TUBA3D: variants seen among roughly 807,000 people sequenced by gnomAD.
The protein encoded by TUBA3D is tubulin alpha-3D chain.
TUBA3D carries 24 observed loss-of-function variants against 36.1 expected under a neutral mutation model. The observed-to-expected ratio is 0.66, with a 90% CI of 0.48 to 0.93. The LOEUF (loss-of-function observed/expected upper bound fraction) is 0.93. Among genes scored for constraint, TUBA3D ranks in the 40% least tolerant of loss-of-function variants. The probability of loss-of-function intolerance (pLI) is 0.00; values close to 1 mark genes in which losing one functional copy is unlikely to be tolerated. For synonymous variants in TUBA3D, 185 were observed against 247.2 expected (o/e 0.75, Z 2.36); for missense variants, 356 against 614.5 (o/e 0.58, Z 4.45).
intron 1 of TUBA3D, 137 bp downstream of exon 1, chr2:131,476,339 G>C: frequency 1.4e-6 from 2 of 1,469,474 alleles, no homozygotes; most frequent in Non-Finnish European, 1.8e-6. Flanking sequence ...CGGGACAGGA[G>C]GACACGGGAT....
At chr2:131,480,804 A>C in intron 4 of TUBA3D, 55 bp downstream of exon 4, 1 of 1,574,298 alleles carries the variant, frequency 6.4e-7, no homozygotes, top group Non-Finnish European at 8.6e-7. Context: ...ACAAAATAAC[A>C]CTGGCCCTGA....
chr2:131,481,951 G>T (rs7583920), intron 4 of TUBA3D, among the ~76,000 whole-genome samples: 25,981 of 152,210 alleles, frequency 0.17, 4,067 homozygotes, highest in African/African-American at 0.42. Context: ...GTCATGTTAT[G>T]CCCGAGTTCT....
intron 3 of TUBA3D, among the ~76,000 whole-genome samples, chr2:131,479,818 A>C (rs397833170): frequency 2.0e-5 from 3 of 152,176 alleles, no homozygotes; most frequent in Admixed American, 1.3e-4. Context: ...CTAGCCTGGG[A>C]AACAGAGCAA....
chr2:131,478,030 T>G (rs1256630109), intron 1 of TUBA3D, 134 bp from the exon 2 acceptor site: 2 of 1,240,136 alleles, frequency 1.6e-6, no homozygotes, highest in Non-Finnish European at 2.2e-6. Context: ...TCACTAACCC[T>G]CCTAGGAAAT....
intron 1 of TUBA3D, among the ~76,000 whole-genome samples, chr2:131,476,551 C>A (rs1480712542): frequency 6.6e-6 from 1 of 152,068 alleles, no homozygotes; most frequent in African/African-American, 2.4e-5. Flanking sequence ...GCCCCAGGAG[C>A]CTTCGGTGAC....
At chr2:131,476,228 G>A (rs773378521) in intron 1 of TUBA3D, 26 bp downstream of exon 1, 47 of 1,613,784 alleles carry the variant, frequency 2.9e-5, no homozygotes, top group Middle Eastern at 1.7e-4. Context: ...CTCCCGCCCC[G>A]CAGATGCCCA....
rs745916475 is a variant in TUBA3D at position 131,478,255 on chromosome 2, C to T, written c.95C>T (p.Pro32Leu). 11 of 1,613,928 alleles carry T rather than the reference C, an allele frequency of 6.8e-6. No individual in the cohort carries two copies. The highest frequency in any genetic ancestry group is 9.3e-6 in the Non-Finnish European group (11 of 1,179,916). Residue 32 changes from proline (P) to leucine (L), a missense_variant, in exon 2 of 5, where the codon CCC becomes CTC. By Grantham distance (98) the Pro-to-Leu change is moderately conservative (BLOSUM62 -3). Coordinates refer to ENST00000321253, the MANE Select transcript of TUBA3D (RefSeq NM_080386.4). Reference sequence around the variant, plus strand: ...TACTGCCTTGAACATGGAATTCAGCCCGATGGCCAAATGCCAAGTGATAAA... The same window carrying T: ...TACTGCCTTGAACATGGAATTCAGCTCGATGGCCAAATGCCAAGTGATAAA... The part of the protein sequence containing the change: ...ELYCLEHGIQ[P>L]DGQMPSDKTI...
rs1167433865 is a variant in TUBA3D at position 131,480,385 on chromosome 2, T to C, written c.692T>C (p.Ile231Thr). The change falls in exon 4 of 5, where the codon ATT (isoleucine) becomes ACT (threonine). Residue 231 changes from isoleucine (I) to threonine (T), a missense_variant. Around this residue, in one of 3 missense-constraint regions of TUBA3D, gnomAD observed 91 missense variants for 240.9 expected, o/e 0.38. Coordinates refer to ENST00000321253, the MANE Select transcript of TUBA3D (RefSeq NM_080386.4). ...ACGTACACCAACCTCAATCGCCTGATTGGGCAGATCGTGTCCTCCATCACA... is the reference window on the plus strand; with the variant it reads ...ACGTACACCAACCTCAATCGCCTGACTGGGCAGATCGTGTCCTCCATCACA... ...RPTYTNLNRL[I>T]GQIVSSITAS... The C allele has an allele frequency of 2.5e-6, 4 of 1,606,302 alleles. No homozygotes were observed. The South Asian group carries it at 3.3e-5, about 13-fold the overall frequency.
At chr2:131,477,532 G>A (rs1312288287) in intron 1 of TUBA3D, among the ~76,000 whole-genome samples, 1 of 149,860 alleles carries the variant, frequency 6.7e-6, no homozygotes, top group African/African-American at 2.5e-5. Context: ...TGAGCAGGAA[G>A]GGGCCAAGGA....
At position 131,478,261 on chromosome 2, in the gene TUBA3D, G is replaced by A; in HGVS notation, c.101G>A (p.Gly34Asp). 3.1e-6 allele frequency: 5 copies of A among 1,614,052 alleles called. No homozygotes were observed. ...CTTGAACATGGAATTCAGCCCGATG[G>A]CCAAATGCCAAGTGATAAAACCATT... ...YCLEHGIQPD[G>D]QMPSDKTIGG... The change falls in exon 2 of 5, where the codon GGC (glycine) becomes GAC (aspartate). Residue 34 changes from glycine (G) to aspartate (D), a missense_variant. Transcript: ENST00000321253.
At chr2:131,481,625 G>A (rs1678869865) in intron 4 of TUBA3D, among the ~76,000 whole-genome samples, 1 of 151,936 alleles carries the variant, frequency 6.6e-6, no homozygotes, top group Admixed American at 6.6e-5. Context: ...AGTAGAGATG[G>A]GATTTTGCCA....
At position 131,480,689 on chromosome 2, in the gene TUBA3D, C is replaced by A. The variant is rs779113770; in HGVS notation, c.996C>A (p.Ile332=). The A allele has an allele frequency of 6.8e-6, 11 of 1,613,598 alleles. No individual in the cohort carries two copies. The highest frequency in any genetic ancestry group is 9.3e-6 in the Non-Finnish European group (11 of 1,179,982). ...DVVPKDVNAA[I]ATIKTKRTIQ... ...TCCCCAAAGACGTCAACGCGGCCAT[C>A]GCCACCATCAAGACCAAGCGCACCA... The change falls in exon 4 of 5, where the codon ATC becomes ATA. Residue 332 remains isoleucine, a synonymous_variant. Coordinates refer to ENST00000321253, the MANE Select transcript of TUBA3D (RefSeq NM_080386.4).
At chr2:131,479,736 A>G (rs894946570) in intron 3 of TUBA3D, among the ~76,000 whole-genome samples, 4 of 152,132 alleles carry the variant, frequency 2.6e-5, no homozygotes, top group Non-Finnish European at 4.4e-5. Context: ...GCTACTTGAG[A>G]GGCTGAGGCA....
chr2:131,480,572 T>C lies in TUBA3D; in HGVS notation c.879T>C (p.Asn293=), dbSNP rs1158193396. 2.5e-6 allele frequency: 4 copies of C among 1,611,292 alleles called. No homozygotes were observed. In the Admixed American group the frequency reaches 5.0e-5, roughly 20 times the overall value. Residue 293 remains asparagine, a synonymous_variant, in exon 4 of 5, where the codon AAT becomes AAC. Coordinates refer to ENST00000321253, the MANE Select transcript of TUBA3D (RefSeq NM_080386.4). ...AGCTGTCTGTGGCCGAGATCACCAATGCCTGCTTCGAGCCAGCCAATCAAA... is the reference window on the plus strand; with the variant it reads ...AGCTGTCTGTGGCCGAGATCACCAACGCCTGCTTCGAGCCAGCCAATCAAA... The part of the protein sequence containing the change: ...HEQLSVAEIT[N]ACFEPANQMV...
chr2:131,477,148 C>T (rs1678702574), intron 1 of TUBA3D, among the ~76,000 whole-genome samples: 1 of 151,848 alleles, frequency 6.6e-6, no homozygotes, highest in South Asian at 2.1e-4. Flanking sequence ...AGCAGCCCTC[C>T]CACCTCAGCC....
intron 4 of TUBA3D, among the ~76,000 whole-genome samples, chr2:131,482,049 G>A (rs575716275): frequency 1.1e-4 from 17 of 152,296 alleles, no homozygotes; most frequent in African/African-American, 4.1e-4. Context: ...ACCACTTCCT[G>A]CTGCTGTGGT....
intron 4 of TUBA3D, among the ~76,000 whole-genome samples, chr2:131,482,153 T>C (rs1031623988): frequency 2.0e-5 from 3 of 152,208 alleles, no homozygotes; most frequent in Non-Finnish European, 4.4e-5. Flanking sequence ...TGATGTTCCT[T>C]GTGATAGCAT....
rs767080289 is a variant in TUBA3D, at chr2:131,480,503, C to T, written c.810C>T (p.Ala270=). 1.4e-5 allele frequency: 22 copies of T among 1,591,500 alleles called. 1 individual carries two copies. Among genetic ancestry groups the T allele is most frequent in the Non-Finnish European group, 1.8e-5 (21 of 1,172,786 alleles). ...ACCCCCGCATCCACTTCCCCCTGGC[C>T]ACCTATGCCCCAGTCATCTCAGCTG... is the stretch of plus-strand genomic sequence containing the variant. ...VPYPRIHFPL[A]TYAPVISAEK... Residue 270 remains alanine (A), a synonymous_variant, in exon 4 of 5, where the codon GCC becomes GCT. Transcript: ENST00000321253.
intron 1 of TUBA3D, 87 bp downstream of exon 1, chr2:131,476,289 G>A (rs1243567853): frequency 6.2e-7 from 1 of 1,603,044 alleles, no homozygotes; most frequent in Non-Finnish European, 8.5e-7. Flanking sequence ...TGCGGGCCTG[G>A]GCGCTGAGAG....
Sources: allele counts gnomAD v4.1 joint callset (sites outside exome capture counted in the v4.1 genomes callset), GRCh38; gene constraint gnomAD v4.1.1; regional missense constraint gnomAD v4.1.1; transcripts MANE v1.5; gene names NCBI Gene and HGNC (gene_info 2026-07-23, HGNC 2026-07-21).